The following XKR4 variants were observed in gnomAD, a reference collection of about 807,000 sequenced individuals.
XKR4 encodes the protein XK related 4.
A neutral mutation model predicts 53.9 loss-of-function variants in XKR4; 12 were observed. The ratio of observed to expected loss-of-function variants is 0.22; its 90% CI spans 0.14 to 0.36. The LOEUF (loss-of-function observed/expected upper bound fraction) is 0.36, where lower values mean the gene tolerates loss of function less well. Ranked by LOEUF, XKR4 falls within the 10% of genes least tolerant of loss-of-function variation. The pLI is 1.00. For missense variants in XKR4, 799 were observed against 859.5 expected (o/e 0.93, Z 0.88); for synonymous variants, 354 against 362.4 (o/e 0.98, Z 0.26).
chr8:55,376,321 T>TTAAAC (rs1378104704), intron 2 of XKR4, among the ~76,000 whole-genome samples: 5 of 152,208 alleles, frequency 3.3e-5, no homozygotes, highest in African/African-American at 7.2e-5. Context: ...TTCCACATGG[T>TTAAAC]TGAACTAATT....
At chr8:55,170,164 A>T (rs1476831062) in intron 1 of XKR4, among the ~76,000 whole-genome samples, 1 of 152,182 alleles carries the variant, frequency 6.6e-6, no homozygotes, top group South Asian at 2.1e-4. Flanking sequence ...TCAAGTTTGT[A>T]AGAGAGTGTG....
chr8:55,252,256 C>A (rs1034124165), intron 1 of XKR4, among the ~76,000 whole-genome samples: 2 of 152,320 alleles, frequency 1.3e-5, no homozygotes, highest in East Asian at 1.9e-4. Context: ...ATGATGTCTT[C>A]ATTTCAGTTA....
intron 1 of XKR4, among the ~76,000 whole-genome samples, chr8:55,303,130 G>T (rs1030472388): frequency 2.6e-5 from 4 of 152,108 alleles, no homozygotes; most frequent in Admixed American, 2.6e-4. Context: ...ATTGGCTGTG[G>T]GTTTGTCATA....
At chr8:55,189,544 A>G (rs1448236331) in intron 1 of XKR4, among the ~76,000 whole-genome samples, 2 of 152,194 alleles carry the variant, frequency 1.3e-5, no homozygotes, top group African/African-American at 4.8e-5. Context: ...TGTACTGAAT[A>G]CTGTAGGCAG....
chr8:55,344,312 A>G (rs1466600863), intron 1 of XKR4, among the ~76,000 whole-genome samples: 2 of 152,332 alleles, frequency 1.3e-5, no homozygotes, highest in South Asian at 2.1e-4. Context: ...CCACTGCACA[A>G]ACACATGCAC....
intron 1 of XKR4, among the ~76,000 whole-genome samples, chr8:55,254,335 A>C (rs1187853714): frequency 2.0e-5 from 3 of 152,124 alleles, no homozygotes; most frequent in Non-Finnish European, 2.9e-5. Flanking sequence ...TGTTTGTTCC[A>C]AGCAAATAAT....
At chr8:55,308,234 C>T (rs771258405) in intron 1 of XKR4, among the ~76,000 whole-genome samples, 11 of 151,996 alleles carry the variant, frequency 7.2e-5, no homozygotes, top group African/African-American at 1.7e-4. Context: ...GCCTGGGCAA[C>T]GCAGCAAGAC....
chr8:55,477,608 G>A (rs1256886467), intron 2 of XKR4, among the ~76,000 whole-genome samples: 3 of 152,078 alleles, frequency 2.0e-5, no homozygotes, highest in East Asian at 1.9e-4. Flanking sequence ...AAACTACTCC[G>A]AGCTACAGGA....
intron 1 of XKR4, among the ~76,000 whole-genome samples, chr8:55,354,403 G>A (rs1166310896): frequency 1.3e-5 from 2 of 152,168 alleles, no homozygotes; most frequent in African/African-American, 4.8e-5. Context: ...AATCTGCTGG[G>A]AATAGATTCC....
intron 2 of XKR4, among the ~76,000 whole-genome samples, chr8:55,505,119 GT>G (rs1448129967): frequency 5.9e-5 from 9 of 151,680 alleles, no homozygotes; most frequent in Non-Finnish European, 4.4e-5. Context: ...ACTTTTTATA[GT>G]TTTTTAAGGT....
At chr8:55,518,145 C>T (rs1343883404) in intron 2 of XKR4, among the ~76,000 whole-genome samples, 1 of 152,210 alleles carries the variant, frequency 6.6e-6, no homozygotes, top group Non-Finnish European at 1.5e-5. Context: ...TTAGGCTGTA[C>T]ATCCTACGAA....
chr8:55,161,997 G>A (rs926961527), intron 1 of XKR4, among the ~76,000 whole-genome samples: 4 of 152,164 alleles, frequency 2.6e-5, no homozygotes, highest in African/African-American at 9.7e-5. Flanking sequence ...CAAGGCTTTA[G>A]ATAGAAGTGT....
chr8:55,493,476 C>T (rs1161861556), intron 2 of XKR4, among the ~76,000 whole-genome samples: 1 of 152,222 alleles, frequency 6.6e-6, no homozygotes, highest in Non-Finnish European at 1.5e-5. Flanking sequence ...TTATGAGTGC[C>T]TCCCATTGCC....
intron 1 of XKR4, among the ~76,000 whole-genome samples, chr8:55,270,921 G>C (rs1396162592): frequency 2.0e-5 from 3 of 152,154 alleles, no homozygotes; most frequent in Non-Finnish European, 1.5e-5. Context: ...CAGGGCTCTG[G>C]TTAAGAGTGA....
At chr8:55,457,012 A>C (rs1373029127) in intron 2 of XKR4, among the ~76,000 whole-genome samples, 3 of 72,250 alleles carry the variant, frequency 4.2e-5, no homozygotes, top group African/African-American at 2.7e-4. Flanking sequence ...ACAAAGAGAA[A>C]ATCTTGAAAA....
At chr8:55,298,589 A>G (rs781756447) in intron 1 of XKR4, among the ~76,000 whole-genome samples, 21 of 152,162 alleles carry the variant, frequency 1.4e-4, no homozygotes, top group Non-Finnish European at 2.1e-4. Flanking sequence ...GCAGCAAGCC[A>G]TTAATGTGGG....
intron 2 of XKR4, among the ~76,000 whole-genome samples, chr8:55,471,223 G>A (rs1805876654): frequency 2.0e-5 from 3 of 152,124 alleles, no homozygotes; most frequent in Non-Finnish European, 4.4e-5. Flanking sequence ...GTTCTATCAG[G>A]CAGTACAGGT....
At chr8:55,452,100 C>A in intron 2 of XKR4, 1 of 692,594 alleles carries the variant, frequency 1.4e-6, no homozygotes, top group Non-Finnish European at 2.6e-6. Context: ...GTAGGTAGAG[C>A]CCAGGGTGAA....
At chr8:55,383,629 G>A (rs1249245402) in intron 2 of XKR4, among the ~76,000 whole-genome samples, 1 of 152,132 alleles carries the variant, frequency 6.6e-6, no homozygotes, top group African/African-American at 2.4e-5. Flanking sequence ...TTTCTGAAAT[G>A]ATCCAATTTT....
Sources: allele counts gnomAD v4.1 joint callset (sites outside exome capture counted in the v4.1 genomes callset), GRCh38; gene constraint gnomAD v4.1.1; transcripts MANE v1.5; gene names NCBI Gene and HGNC (gene_info 2026-07-23, HGNC 2026-07-21).